LRRK1: variants seen among roughly 807,000 people sequenced by gnomAD.
LRRK1 encodes the protein leucine rich repeat kinase 1, also known as leucine-rich repeat serine/threonine-protein kinase 1.
LRRK1 carries 113 observed loss-of-function variants against 209.1 expected under a neutral mutation model. That is an observed-to-expected ratio of 0.54 (90% CI 0.46 to 0.63). LRRK1 has a LOEUF of 0.63. Among genes scored for constraint, LRRK1 ranks in the 30% least tolerant of loss-of-function variants. The pLI is 0.00. For missense variants in LRRK1, 2,284 were observed against 2,632.2 expected, an observed-to-expected ratio of 0.87 and a Z score of 2.89; for synonymous variants, 1,144 against 1,099.7, an observed-to-expected ratio of 1.04 and a Z score of -0.80.
rs1475687272 is a variant in LRRK1, at chr15:101,070,610, AG to A, written c.*1764del. The stretch of plus-strand genomic sequence containing the variant: ...CCTACTCCTGGAAAAGCCCAGCCCC[AG>A]GCCTCACAGAGCCAGGGGAGGGGAT... On this transcript the variant is annotated 3_prime_UTR_variant, in exon 34 of 34. Coordinates refer to ENST00000388948, the MANE Select transcript of LRRK1 (RefSeq NM_024652.6). 1 of 152,148 alleles carries A rather than the reference AG, an allele frequency of 6.6e-6. No homozygotes were observed. Among genetic ancestry groups the A allele is most frequent in the African/African-American group, 2.4e-5 (1 of 41,398 alleles). The allele number at this position is 152,148 out of a possible 1,614,324, so 9.4% of individuals were successfully genotyped here.
chr15:100,971,958 G>A (rs2030911874), intron 2 of LRRK1, among the ~76,000 whole-genome samples: 1 of 123,652 alleles, frequency 8.1e-6, no homozygotes, highest in African/African-American at 3.1e-5. Context: ...TGTTGCAAAT[G>A]ACAAAAGAAT....
intron 28 of LRRK1, 88 bp from the exon 29 acceptor site, chr15:101,057,902 G>C (rs1441025190): frequency 2.8e-6 from 4 of 1,407,926 alleles, no homozygotes; most frequent in Non-Finnish European, 4.0e-6. Context: ...ATTCCTCCCT[G>C]GTTGGGGCTG....
intron 2 of LRRK1, among the ~76,000 whole-genome samples, chr15:100,948,894 T>C (rs759775316): frequency 1.3e-4 from 20 of 152,156 alleles, no homozygotes; most frequent in Non-Finnish European, 2.6e-4. Flanking sequence ...GTAAAATTTA[T>C]AGCAGCAGCT....
Position 101,069,262 on chromosome 15 carries a change from C to T in LRRK1, c.*414C>T, listed in dbSNP as rs1311948324. The T allele has an allele frequency of 6.4e-6, 1 of 155,698 alleles. No individual in the cohort carries two copies. The highest frequency in any genetic ancestry group is 1.9e-4 in the East Asian group (1 of 5,308). The allele number at this position is 155,698 out of a possible 1,614,324, so 9.6% of individuals were successfully genotyped here. A position where few individuals can be genotyped will look rare whatever the true frequency, so the allele number is the denominator to read the frequency against. ...ACTAGAGGCCCTCCGCTGGGAAGCA[C>T]TTGAGGTAGGGCAGGAGGGGGGCTG... On this transcript the variant is annotated 3_prime_UTR_variant, in exon 34 of 34. Coordinates refer to ENST00000388948, the MANE Select transcript of LRRK1 (RefSeq NM_024652.6).
Position 101,062,620 on chromosome 15 carries a change from A to G in LRRK1, c.4844A>G (p.Asn1615Ser), listed in dbSNP as rs761675199. The change falls in exon 31 of 34, where the codon AAC becomes AGC. Residue 1615 changes from asparagine to serine, a missense_variant. Coordinates refer to ENST00000388948, the MANE Select transcript of LRRK1 (RefSeq NM_024652.6). The part of the protein sequence containing the change: ...IYTLKGMCPL[N>S]TPQQALDTPA... ...ACCCTCAAGGGCATGTGCCCCTTAA[A>G]CACACCCCAACAGGCCTTGGATACT... The G allele has an allele frequency of 6.2e-7, 1 of 1,614,168 alleles. No homozygotes were observed. The highest frequency in any genetic ancestry group is 1.1e-5 in the South Asian group (1 of 91,086).
At chr15:100,922,891 A>G (rs770156043) in intron 1 of LRRK1, among the ~76,000 whole-genome samples, 7 of 152,110 alleles carry the variant, frequency 4.6e-5, no homozygotes, top group Non-Finnish European at 1.0e-4. Context: ...TTCTAGCTCC[A>G]CCTTTCCCTG....
At chr15:100,947,204 G>A (rs1163967208) in intron 2 of LRRK1, among the ~76,000 whole-genome samples, 1 of 151,970 alleles carries the variant, frequency 6.6e-6, no homozygotes, top group African/African-American at 2.4e-5. Context: ...TGATCCGCCC[G>A]CCTCGGCCTC....
intron 2 of LRRK1, among the ~76,000 whole-genome samples, chr15:100,960,917 G>T (rs975633387): frequency 7.2e-5 from 11 of 152,144 alleles, no homozygotes; most frequent in African/African-American, 1.7e-4. Flanking sequence ...ATGAGACAGG[G>T]TCATCTCATG....
chr15:101,022,517 G>C lies in LRRK1; in HGVS notation c.1987G>C (p.Ala663Pro). The C allele has an allele frequency of 6.2e-7, 1 of 1,614,108 alleles. No individual in the cohort carries two copies. The highest frequency in any genetic ancestry group is 8.5e-7 in the Non-Finnish European group (1 of 1,180,016). ...CCTGGAGATCTTACAGACGGGGAGGGCCCCCCAGGTGGTGCATGGAGAGGC... is the reference window on the plus strand; with the variant it reads ...CCTGGAGATCTTACAGACGGGGAGGCCCCCCCAGGTGGTGCATGGAGAGGC... The part of the protein sequence containing the change: ...TLLEILQTGR[A>P]PQVVHGEATI... Residue 663 changes from alanine to proline, a missense_variant, in exon 15 of 34, where the codon GCC becomes CCC. Ala to Pro is a conservative substitution (Grantham distance 27, BLOSUM62 -1). Around this residue, in one of 6 missense-constraint regions of LRRK1, gnomAD observed 494 missense variants for 522.1 expected, o/e 0.95. Transcript: ENST00000388948. This position sits in a 1 kb window ranked among gnomAD's most constrained non-coding sequence, Gnocchi z 4.0.
At chr15:100,978,450 G>A (rs188267003) in intron 3 of LRRK1, among the ~76,000 whole-genome samples, 1 of 152,204 alleles carries the variant, frequency 6.6e-6, no homozygotes, top group East Asian at 1.9e-4. Context: ...TCATAGTCAA[G>A]CTTATTAAAA....
intron 2 of LRRK1, among the ~76,000 whole-genome samples, chr15:100,967,113 T>G (rs2030514578): frequency 6.6e-6 from 1 of 152,230 alleles, no homozygotes. Flanking sequence ...ATCTGAGGGA[T>G]GACAGCAGTT....
At chr15:100,955,859 T>A (rs2042744105) in intron 2 of LRRK1, among the ~76,000 whole-genome samples, 1 of 152,196 alleles carries the variant, frequency 6.6e-6, no homozygotes, top group Non-Finnish European at 1.5e-5. Context: ...TGGTGTATGA[T>A]TTTTTTAATG....
chr15:101,066,140 G>A lies in LRRK1; in HGVS notation c.5703G>A (p.Glu1901=). Residue 1901 remains glutamate, a synonymous_variant, in exon 32 of 34, where the codon GAG becomes GAA. Coordinates refer to ENST00000388948, the MANE Select transcript of LRRK1 (RefSeq NM_024652.6). ...ATGACCTGACCCCCATGGACGGGGA[G>A]ACCTTCAGCCAGCACCTGCAGGCCG... The part of the protein sequence containing the change: ...SEHDLTPMDG[E]TFSQHLQAVK... 1.9e-6 allele frequency: 3 copies of A among 1,614,018 alleles called. No individual in the cohort carries two copies. The highest frequency in any genetic ancestry group is 2.5e-6 in the Non-Finnish European group (3 of 1,180,022).
At chr15:100,990,126 G>T (rs909100846) in intron 6 of LRRK1, among the ~76,000 whole-genome samples, 11 of 152,064 alleles carry the variant, frequency 7.2e-5, no homozygotes, top group Admixed American at 5.9e-4. Context: ...ACAGGGTTTA[G>T]TTTTAATTTC....
At position 101,022,073 on chromosome 15, in the gene LRRK1, T is replaced by C; in HGVS notation, c.1852+116T>C. On this transcript the variant is annotated intron_variant, in intron 14 of 33. Coordinates refer to ENST00000388948, the MANE Select transcript of LRRK1 (RefSeq NM_024652.6). This position sits in a 1 kb window ranked among gnomAD's most constrained non-coding sequence, Gnocchi z 4.0. ...TGACCCATGGAGCCCAGCTCCAGGTTCCAGATTTGACAAGATGCTATAAAA... is the reference window on the plus strand; with the variant it reads ...TGACCCATGGAGCCCAGCTCCAGGTCCCAGATTTGACAAGATGCTATAAAA... 1 of 724,764 alleles carries C rather than the reference T, an allele frequency of 1.4e-6. No homozygotes were observed. The highest frequency in any genetic ancestry group is 1.8e-5 in the South Asian group (1 of 54,656). 44.9% of individuals were successfully genotyped at this position (724,764 alleles called of 1,614,324 possible). A position where few individuals can be genotyped will look rare whatever the true frequency, so the allele number is the denominator to read the frequency against.
Position 101,046,044 on chromosome 15 carries a change from C to T in LRRK1, c.3027C>T (p.Pro1009=), listed in dbSNP as rs1263684971. The change falls in exon 21 of 34, where the codon CCC becomes CCT. Residue 1009 remains proline, a synonymous_variant. Coordinates refer to ENST00000388948, the MANE Select transcript of LRRK1 (RefSeq NM_024652.6). ...PGLDTHGMRH[P]TANTIQRVFK... ...TGGACACCCACGGTATGCGGCACCC[C>T]ACAGCCAACACCATTCAGAGGGTAT... is the stretch of plus-strand genomic sequence containing the variant. 4.3e-6 allele frequency: 7 copies of T among 1,614,108 alleles called. No homozygotes were observed. Among genetic ancestry groups the T allele is most frequent in the Non-Finnish European group, 2.5e-6 (3 of 1,180,036 alleles).
intron 2 of LRRK1, among the ~76,000 whole-genome samples, chr15:100,964,768 G>A (rs766524891): frequency 6.8e-6 from 1 of 146,026 alleles, no homozygotes; most frequent in African/African-American, 2.5e-5. Flanking sequence ...TTCCTTGGTG[G>A]GGAGAAGAGA....
chr15:101,051,886 C>G lies in LRRK1; in HGVS notation c.3615C>G (p.Cys1205Trp). 6.2e-7 allele frequency: 1 copy of G among 1,614,086 alleles called. No individual in the cohort carries two copies. Among genetic ancestry groups the G allele is most frequent in the Non-Finnish European group, 8.5e-7 (1 of 1,180,028 alleles). Reference protein sequence around the residue: ...LTAIERDFISCPRHPDLPVPL... With the variant: ...LTAIERDFISWPRHPDLPVPL... ...CCATCGAGCGGGACTTCATCTCCTGCCCCAGACACCCGGACCTCCCCGTGC... is the reference window on the plus strand; with the variant it reads ...CCATCGAGCGGGACTTCATCTCCTGGCCCAGACACCCGGACCTCCCCGTGC... The change falls in exon 24 of 34, where the codon TGC (cysteine) becomes TGG (tryptophan). Residue 1205 changes from cysteine to tryptophan, a missense_variant. Cys to Trp is a radical substitution (Grantham distance 215, BLOSUM62 -2). This residue lies in a region of LRRK1 where 780 missense variants were observed against 985.2 expected (regional missense o/e 0.79). Transcript: ENST00000388948.
chr15:100,960,058 T>G (rs2042845602), intron 2 of LRRK1, among the ~76,000 whole-genome samples: 1 of 152,184 alleles, frequency 6.6e-6, no homozygotes, highest in African/African-American at 2.4e-5. Flanking sequence ...AATGTTGTTA[T>G]AGTAGTAATA....
Sources: allele counts gnomAD v4.1 joint callset (sites outside exome capture counted in the v4.1 genomes callset), GRCh38; gene constraint gnomAD v4.1.1; regional missense constraint gnomAD v4.1.1; non-coding constraint Gnocchi (gnomAD v3.1); transcripts MANE v1.5; gene names NCBI Gene and HGNC (gene_info 2026-07-23, HGNC 2026-07-21).